Variants in ITPRID1 observed in about 807,000 individuals in gnomAD.
ITPRID1 encodes ITPR interacting domain containing 1, also known as protein ITPRID1.
A neutral mutation model predicts 95.4 loss-of-function variants in ITPRID1; 96 were observed. That is an observed-to-expected ratio of 1.01 (90% CI 0.85 to 1.19). ITPRID1 has a LOEUF of 1.19. Ranked by LOEUF, ITPRID1 falls within the 50% of genes most tolerant of loss-of-function variation. The pLI, the probability that ITPRID1 is intolerant of heterozygous loss-of-function variation, is 0.00. For synonymous variants in ITPRID1, 510 were observed against 453.6 expected (o/e 1.12, Z -1.58); for missense variants, 1,339 against 1,252.9 (o/e 1.07, Z -1.04).
rs879244948 is a variant in ITPRID1 at position 31,578,452 on chromosome 7, G to A, written c.1170+18G>A. 9.1e-6 allele frequency: 14 copies of A among 1,540,982 alleles called. No individual in the cohort carries two copies. The highest frequency in any genetic ancestry group is 1.4e-5 in the African/African-American group (1 of 72,530). ...TGGAAGAGGTCAGTGCTGCACCAAC[G>A]TACCAGCCTCCTAAGGGAAATAACC... On this transcript the variant is annotated intron_variant, in intron 9 of 14. Coordinates refer to ENST00000615280, the MANE Select transcript of ITPRID1 (RefSeq NM_001257967.3).
intron 10 of ITPRID1, among the ~76,000 whole-genome samples, chr7:31,617,662 A>C (rs145593261): frequency 4.6e-5 from 7 of 151,814 alleles, no homozygotes; most frequent in South Asian, 2.1e-4. Flanking sequence ...GGAAAAAAAA[A>C]CCCACGATAC....
chr7:31,540,743 C>T (rs1783906991), intron 1 of ITPRID1, among the ~76,000 whole-genome samples: 1 of 152,146 alleles, frequency 6.6e-6, no homozygotes, highest in Admixed American at 6.5e-5. Context: ...CCATCAAATA[C>T]CTATAAGTTG....
chr7:31,652,048 C>G lies in ITPRID1; in HGVS notation c.2821C>G (p.Leu941Val). ...RAQQIREGIL[L>V]QLEVLTAEPP... ...TCAGCAAATCAGAGAAGGGATTTTA[C>G]TGGTATGGGTGATGGGGTGTGGAGT... The change falls in exon 14 of 15, where the codon CTG becomes GTG. Residue 941 changes from leucine (L) to valine (V), a missense_variant and splice_region_variant. Coordinates refer to ENST00000615280, the MANE Select transcript of ITPRID1 (RefSeq NM_001257967.3). The G allele has an allele frequency of 1.9e-6, 3 of 1,589,922 alleles. No homozygotes were observed. The highest frequency in any genetic ancestry group is 2.6e-6 in the Non-Finnish European group (3 of 1,166,584).
intron 10 of ITPRID1, among the ~76,000 whole-genome samples, chr7:31,614,429 CA>C (rs1208362469): frequency 1.3e-5 from 2 of 152,034 alleles, no homozygotes; most frequent in Non-Finnish European, 2.9e-5. Flanking sequence ...AGTAATTAAA[CA>C]AATATTTATT....
At chr7:31,519,618 CTCTATATA>C (rs1251469936) in intron 1 of ITPRID1, among the ~76,000 whole-genome samples, 348 of 31,670 alleles carry the variant, frequency 0.011, no homozygotes, top group Middle Eastern at 0.05. Flanking sequence ...CTCTCTCTCT[CTCTATATA>C]TATATATATA....
At chr7:31,598,398 C>CTTTT (rs869161999) in intron 10 of ITPRID1, among the ~76,000 whole-genome samples, 36 of 106,834 alleles carry the variant, frequency 3.4e-4, no homozygotes, top group African/African-American at 5.5e-4. Flanking sequence ...TTTTTTTTTT[C>CTTTT]TTTTTTTTTT....
chr7:31,582,540 C>G (rs1353503388), intron 9 of ITPRID1, among the ~76,000 whole-genome samples: 1 of 152,116 alleles, frequency 6.6e-6, no homozygotes, highest in Non-Finnish European at 1.5e-5. Context: ...CATGAGTTAT[C>G]AAGCCCAACC....
intron 10 of ITPRID1, among the ~76,000 whole-genome samples, chr7:31,600,345 T>C (rs964345569): frequency 6.6e-6 from 1 of 152,162 alleles, no homozygotes; most frequent in African/African-American, 2.4e-5. Context: ...CTAAGGCAAT[T>C]ATAAGAGAGG....
At chr7:31,610,858 A>C (rs546726270) in intron 10 of ITPRID1, among the ~76,000 whole-genome samples, 1 of 151,562 alleles carries the variant, frequency 6.6e-6, no homozygotes, top group East Asian at 1.9e-4. Context: ...TTGAATTTAA[A>C]ATGTTTCTCT....
At chr7:31,629,561 T>C (rs1788808105) in intron 10 of ITPRID1, among the ~76,000 whole-genome samples, 1 of 152,206 alleles carries the variant, frequency 6.6e-6, no homozygotes, top group African/African-American at 2.4e-5. Flanking sequence ...ATATGACAGT[T>C]TTTAAGAAAA....
At chr7:31,626,186 T>C (rs1003405) in intron 10 of ITPRID1, among the ~76,000 whole-genome samples, 83,577 of 152,058 alleles carry the variant, frequency 0.55, 23,367 homozygotes, top group East Asian at 0.83. Context: ...CTTTGGGCTT[T>C]CTTTTTGTAA....
chr7:31,652,191 C>G (rs1478091557), intron 14 of ITPRID1, 141 bp downstream of exon 14: 4 of 742,144 alleles, frequency 5.4e-6, no homozygotes, highest in Non-Finnish European at 8.9e-6. Context: ...CAGAGAAGTA[C>G]TTTGGTTTGC....
intron 12 of ITPRID1, among the ~76,000 whole-genome samples, chr7:31,645,804 CT>C (rs1293609397): frequency 1.3e-5 from 2 of 152,116 alleles, no homozygotes; most frequent in Admixed American, 1.3e-4. Context: ...GCCAGGAATG[CT>C]GCAAAACATC....
chr7:31,571,277 C>T (rs12673361), intron 6 of ITPRID1, among the ~76,000 whole-genome samples: 56,300 of 151,930 alleles, frequency 0.37, 11,316 homozygotes, highest in East Asian at 0.59. Flanking sequence ...CCACCCACCT[C>T]GGCCTCCCAA....
intron 10 of ITPRID1, among the ~76,000 whole-genome samples, chr7:31,626,193 G>C (rs949035292): frequency 6.6e-6 from 1 of 152,090 alleles, no homozygotes; most frequent in African/African-American, 2.4e-5. Context: ...CTTTCTTTTT[G>C]TAAAAGCAAA....
At chr7:31,618,324 G>A (rs938083527) in intron 10 of ITPRID1, among the ~76,000 whole-genome samples, 1 of 149,206 alleles carries the variant, frequency 6.7e-6, no homozygotes, top group Non-Finnish European at 1.5e-5. Flanking sequence ...AAAATCCAAA[G>A]GGGGCAAATT....
At chr7:31,596,899 T>C (rs1786112675) in intron 10 of ITPRID1, among the ~76,000 whole-genome samples, 1 of 151,834 alleles carries the variant, frequency 6.6e-6, no homozygotes, top group African/African-American at 2.4e-5. Flanking sequence ...TAAAATACAG[T>C]AGAAGTACAT....
In ITPRID1 at chr7:31,643,654, A is replaced by G. The variant is rs200809374; in HGVS notation, c.2284A>G (p.Ile762Val). Reference protein sequence around the residue: ...TKARQLNDASIQTSALSNKTL... With the variant: ...TKARQLNDASVQTSALSNKTL... ...AGCAAGACAGTTAAATGATGCTTCC[A>G]TTCAGACTTCAGCTCTAAGCAACAA... is the stretch of plus-strand genomic sequence containing the variant. Residue 762 changes from isoleucine (I) to valine (V), a missense_variant, in exon 12 of 15, where the codon ATT becomes GTT. Ile to Val is a conservative substitution (Grantham distance 29). Coordinates refer to ENST00000615280, the MANE Select transcript of ITPRID1 (RefSeq NM_001257967.3). 1 of 1,614,074 alleles carries G rather than the reference A, an allele frequency of 6.2e-7. No individual in the cohort carries two copies. Among genetic ancestry groups the G allele is most frequent in the Non-Finnish European group, 8.5e-7 (1 of 1,179,898 alleles).
At chr7:31,586,676 T>C (rs2128151645) in intron 10 of ITPRID1, among the ~76,000 whole-genome samples, 1 of 152,350 alleles carries the variant, frequency 6.6e-6, no homozygotes, top group Admixed American at 6.5e-5. Context: ...CACCCACTTT[T>C]TGATGGGGTT....
Sources: gnomAD v4.1 joint callset for allele counts (sites outside exome capture counted in the v4.1 genomes callset) on GRCh38, gnomAD v4.1.1 for gene constraint, MANE v1.5 for transcripts, NCBI Gene and HGNC (gene_info 2026-07-23, HGNC 2026-07-21) for gene names.